Variants in RAP2A observed in about 807,000 individuals in gnomAD.
RAP2A encodes the protein RAP2A, member of RAS oncogene family, also known as ras-related protein Rap-2a.
A neutral mutation model predicts 15.1 loss-of-function variants in RAP2A; 5 were observed. The observed-to-expected ratio is 0.33, with a 90% CI of 0.17 to 0.70. The LOEUF is 0.70. Ranked by LOEUF, RAP2A falls within the 30% of genes least tolerant of loss-of-function variation. The pLI is 0.68. For synonymous variants in RAP2A, 110 were observed against 99.7 expected (o/e 1.10, Z -0.62); for missense variants, 111 against 240.3 (o/e 0.46, Z 3.56).
intron 1 of RAP2A, among the ~76,000 whole-genome samples, chr13:97,462,042 TTATATATATATTTA>T (rs1321900859): frequency 3.0e-5 from 4 of 132,514 alleles, no homozygotes; most frequent in African/African-American, 1.2e-4. Flanking sequence ...TTATATATAT[TTATATATATATTTA>T]TATATATATT....
At chr13:97,455,628 T>C (rs1282604169) in intron 1 of RAP2A, among the ~76,000 whole-genome samples, 1 of 151,496 alleles carries the variant, frequency 6.6e-6, no homozygotes, top group Non-Finnish European at 1.5e-5. Flanking sequence ...TACTATGCTG[T>C]CTTGTGTATA....
intron 1 of RAP2A, among the ~76,000 whole-genome samples, chr13:97,446,129 T>C (rs183976822): frequency 6.6e-6 from 1 of 152,206 alleles, no homozygotes; most frequent in Non-Finnish European, 1.5e-5. Flanking sequence ...GGTGACTGTA[T>C]GTCTCTTTTA....
chr13:97,462,311 T>C (rs1359747645), intron 1 of RAP2A, among the ~76,000 whole-genome samples: 1 of 152,126 alleles, frequency 6.6e-6, no homozygotes, highest in Non-Finnish European at 1.5e-5. Flanking sequence ...TAATTACATT[T>C]TGCAAGTAAC....
At chr13:97,446,801 G>A (rs1008047793) in intron 1 of RAP2A, among the ~76,000 whole-genome samples, 1 of 152,194 alleles carries the variant, frequency 6.6e-6, no homozygotes, top group Non-Finnish European at 1.5e-5. Context: ...TGACTCGCCA[G>A]CCCAGCCTTG....
intron 1 of RAP2A, among the ~76,000 whole-genome samples, chr13:97,440,806 C>CCATT (rs147589676): frequency 2.7e-4 from 41 of 152,098 alleles, no homozygotes; most frequent in Non-Finnish European, 5.3e-4. Flanking sequence ...ATTTATCTAT[C>CCATT]CATTCATTCA....
At chr13:97,435,013 G>A (rs2066626804) in intron 1 of RAP2A, among the ~76,000 whole-genome samples, 1 of 152,184 alleles carries the variant, frequency 6.6e-6, no homozygotes, top group East Asian at 1.9e-4. Flanking sequence ...TTGTCTCTTG[G>A]ACGTTGTTAG....
In RAP2A at chr13:97,450,474, T is replaced by C. The variant is rs59907655; in HGVS notation, c.315-13731T>C. On this transcript the variant is annotated intron_variant, in intron 1 of 1. Transcript: ENST00000245304. ...AGAGATGAAAGCTGTGTGTTCTCCA[T>C]ATATGTGCCCGAGCTTCAGTTTTCC... Among the ~76,000 whole-genome samples, 1,502 of 152,260 alleles carry C rather than the reference T, an allele frequency of 9.9e-3. 25 individuals are homozygous for C. The highest frequency in any genetic ancestry group is 0.034 in the African/African-American group (1,409 of 41,554).
chr13:97,463,306 T>C (rs1237427857), intron 1 of RAP2A, among the ~76,000 whole-genome samples: 1 of 152,246 alleles, frequency 6.6e-6, no homozygotes, highest in Non-Finnish European at 1.5e-5. Flanking sequence ...GACAATCATC[T>C]TAGGCACCAA....
chr13:97,434,704 C>T lies in RAP2A; in HGVS notation c.234C>T (p.Phe78=). 6.2e-7 allele frequency: 1 copy of T among 1,614,170 alleles called. No individual in the cohort carries two copies. ...TGTACATCAAGAACGGCCAGGGCTT[C>T]ATCCTCGTCTACAGCCTCGTCAACC... ...RDLYIKNGQG[F]ILVYSLVNQQ... Residue 78 remains phenylalanine, a synonymous_variant, in exon 1 of 2, where the codon TTC becomes TTT. Coordinates refer to ENST00000245304, the MANE Select transcript of RAP2A (RefSeq NM_021033.7).
chr13:97,450,455 G>C (rs1312943580), intron 1 of RAP2A, among the ~76,000 whole-genome samples: 5 of 152,094 alleles, frequency 3.3e-5, no homozygotes, highest in African/African-American at 1.2e-4. Flanking sequence ...TTCGAGAGAT[G>C]AAAGCTGTGT....
intron 1 of RAP2A, among the ~76,000 whole-genome samples, chr13:97,442,575 T>C (rs542971271): frequency 3.9e-5 from 6 of 152,168 alleles, no homozygotes; most frequent in Non-Finnish European, 8.8e-5. Context: ...GAAATCAACA[T>C]TTCATAAGAC....
At chr13:97,437,504 C>G (rs1447627951) in intron 1 of RAP2A, 1 of 152,150 alleles carries the variant, frequency 6.6e-6, no homozygotes, top group Non-Finnish European at 1.5e-5. Flanking sequence ...CAAAACAATA[C>G]CAGTACACAG....
intron 1 of RAP2A, 69 bp downstream of exon 1, chr13:97,434,853 G>A: frequency 6.3e-7 from 1 of 1,578,322 alleles, no homozygotes; most frequent in Non-Finnish European, 8.6e-7. Context: ...GGAACTCCCC[G>A]CGCGGGGCTC....
rs775987529 is a variant in RAP2A at position 97,464,277 on chromosome 13, C to T, written c.387C>T (p.Ser129=). The T allele has an allele frequency of 9.9e-6, 16 of 1,614,216 alleles. No individual in the cohort carries two copies. The highest frequency in any genetic ancestry group is 1.6e-4 in the Middle Eastern group (1 of 6,062). ...DLESEREVSS[S]EGRALAEEWG... Reference sequence around the variant, plus strand: ...AAAGTGAGAGAGAAGTATCGTCCAGCGAAGGCAGAGCCCTTGCTGAAGAGT... The same window carrying T: ...AAAGTGAGAGAGAAGTATCGTCCAGTGAAGGCAGAGCCCTTGCTGAAGAGT... The change falls in exon 2 of 2, where the codon AGC becomes AGT. Residue 129 remains serine, a synonymous_variant. Transcript: ENST00000245304.
chr13:97,434,936 A>C, intron 1 of RAP2A, 152 bp downstream of exon 1: 6 of 1,196,070 alleles, frequency 5.0e-6, no homozygotes, highest in Non-Finnish European at 6.8e-6. Context: ...CTCCTCCTCA[A>C]TCTCAAATTT....
intron 1 of RAP2A, 100 bp downstream of exon 1, chr13:97,434,884 G>C (rs1222141663): frequency 6.7e-7 from 1 of 1,494,950 alleles, no homozygotes; most frequent in African/African-American, 1.4e-5. Context: ...GCTTTCTGGG[G>C]GGTGGCTCCA....
intron 1 of RAP2A, among the ~76,000 whole-genome samples, chr13:97,448,934 G>T (rs968327210): frequency 2.0e-5 from 3 of 152,080 alleles, no homozygotes; most frequent in Admixed American, 1.3e-4. Context: ...ATGGAGGAGG[G>T]ATCCCAGGTG....
At chr13:97,462,414 A>G (rs1400396184) in intron 1 of RAP2A, among the ~76,000 whole-genome samples, 2 of 152,054 alleles carry the variant, frequency 1.3e-5, no homozygotes, top group Non-Finnish European at 2.9e-5. Flanking sequence ...GTTTATATGC[A>G]AAGTAGCAAA....
intron 1 of RAP2A, among the ~76,000 whole-genome samples, chr13:97,443,837 A>C (rs1442742746): frequency 6.6e-6 from 1 of 152,248 alleles, no homozygotes; most frequent in Non-Finnish European, 1.5e-5. Flanking sequence ...GAGATCCAGC[A>C]CTTATTAGTT....
Sources: allele counts gnomAD v4.1 joint callset (sites outside exome capture counted in the v4.1 genomes callset), GRCh38; gene constraint gnomAD v4.1.1; transcripts MANE v1.5; gene names NCBI Gene and HGNC (gene_info 2026-07-23, HGNC 2026-07-21).